TRPV2: variants seen among roughly 807,000 people sequenced by gnomAD.
TRPV2 encodes transient receptor potential cation channel subfamily V member 2, also known as OTRPC2.
In TRPV2, 58 loss-of-function variants were observed where a neutral mutation model predicts 91.0. The ratio of observed to expected loss-of-function variants is 0.64; its 90% CI spans 0.52 to 0.79. The LOEUF (loss-of-function observed/expected upper bound fraction) is 0.79, where lower values mean the gene tolerates loss of function less well. Among genes scored for constraint, TRPV2 ranks in the 30% least tolerant of loss-of-function variants. The pLI is 0.00. For missense variants in TRPV2, 807 were observed against 969.6 expected, an observed-to-expected ratio of 0.83 and a Z score of 2.23; for synonymous variants, 417 against 414.8, an observed-to-expected ratio of 1.01 and a Z score of -0.06.
Position 16,431,291 on chromosome 17 carries a change from ATTTTTTTTTT to A in TRPV2, c.1588-482_1588-473del, listed in dbSNP as rs1167449708. Among the ~76,000 whole-genome samples, 67 of 67,364 alleles carry A rather than the reference ATTTTTTTTTT, an allele frequency of 9.9e-4. 2 individuals are homozygous for A. Among genetic ancestry groups the A allele is most frequent in the African/African-American group, 2.2e-3 (35 of 15,642 alleles). 44.2% of individuals were successfully genotyped at this position (67,364 alleles called of 152,430 possible). A position where few individuals can be genotyped will look rare whatever the true frequency, so the allele number is the denominator to read the frequency against. On this transcript the variant is annotated intron_variant, in intron 10 of 14. Coordinates refer to ENST00000338560, the MANE Select transcript of TRPV2 (RefSeq NM_016113.5). ...TATATATATATATATATATATACAT[ATTTTTTTTTT>A]TTTTTTTTTTGAGACGAAGTCTCAC...
chr17:16,432,779 C>G (rs956303162), intron 12 of TRPV2, among the ~76,000 whole-genome samples: 7 of 151,132 alleles, frequency 4.6e-5, no homozygotes, highest in African/African-American at 1.7e-4. Flanking sequence ...ACCAGCTACT[C>G]TTATCATCAT....
chr17:16,416,943 C>A (rs530378193), intron 1 of TRPV2, among the ~76,000 whole-genome samples: 1 of 152,172 alleles, frequency 6.6e-6, no homozygotes, highest in African/African-American at 2.4e-5. Flanking sequence ...CCAGGCAAGA[C>A]GTTGTGTAAA....
chr17:16,420,485 C>T (rs2093351777), intron 3 of TRPV2, among the ~76,000 whole-genome samples: 1 of 152,208 alleles, frequency 6.6e-6, no homozygotes, highest in South Asian at 2.1e-4. Flanking sequence ...CTCTGTCACC[C>T]CTAGCCCATT....
At chr17:16,429,795 C>T (rs966943979) in intron 10 of TRPV2, among the ~76,000 whole-genome samples, 16 of 137,440 alleles carry the variant, frequency 1.2e-4, no homozygotes, top group African/African-American at 3.5e-4. Flanking sequence ...GCCCCTTCCA[C>T]GGGGAGGGAT....
chr17:16,425,595 C>T (rs544357957), intron 5 of TRPV2, among the ~76,000 whole-genome samples: 9 of 152,310 alleles, frequency 5.9e-5, no homozygotes, highest in African/African-American at 2.2e-4. Context: ...GTGTGAACCT[C>T]ACTTTCTTGT....
Position 16,422,781 on chromosome 17 carries a change from A to G in TRPV2, c.517A>G (p.Lys173Glu), listed in dbSNP as rs1356372266. 1 of 1,574,356 alleles carries G rather than the reference A, an allele frequency of 6.4e-7. No homozygotes were observed. Among genetic ancestry groups the G allele is most frequent in the Admixed American group, 1.8e-5 (1 of 54,490 alleles). The change falls in exon 4 of 15, where the codon AAG becomes GAG. Residue 173 changes from lysine to glutamate, a missense_variant. Physicochemically the swap from Lys to Glu is moderately conservative, Grantham distance 56 (BLOSUM62 1). Coordinates refer to ENST00000338560, the MANE Select transcript of TRPV2 (RefSeq NM_016113.5). ...CAGCGCTCTGCACATCGCCATTGAG[A>G]AGAGGAGTCTGCAGTGTGTGAAGCT... Reference protein sequence around the residue: ...GHSALHIAIEKRSLQCVKLLV... With the variant: ...GHSALHIAIEERSLQCVKLLV...
intron 5 of TRPV2, among the ~76,000 whole-genome samples, chr17:16,425,303 C>T (rs2093378082): frequency 6.6e-6 from 1 of 152,190 alleles, no homozygotes. Flanking sequence ...AGATTACAGG[C>T]ATGAGCCGAA....
intron 4 of TRPV2, among the ~76,000 whole-genome samples, chr17:16,423,168 C>T (rs967061185): frequency 6.6e-6 from 1 of 152,248 alleles, no homozygotes; most frequent in Non-Finnish European, 1.5e-5. Context: ...AGAGATGTTT[C>T]ATCCTCGTCT....
intron 7 of TRPV2, among the ~76,000 whole-genome samples, 182 bp downstream of exon 7, chr17:16,427,059 A>G (rs763858705): frequency 4.6e-5 from 7 of 152,338 alleles, no homozygotes; most frequent in Admixed American, 6.5e-5. Context: ...TGCTCACTGT[A>G]TGTGAAAAAG....
intron 10 of TRPV2, among the ~76,000 whole-genome samples, chr17:16,431,576 G>A (rs1351310701): frequency 6.6e-6 from 1 of 152,024 alleles, no homozygotes; most frequent in African/African-American, 2.4e-5. Context: ...TAGGATTATA[G>A]GCATGAGCCA....
At chr17:16,423,285 T>C (rs1316822241) in intron 4 of TRPV2, among the ~76,000 whole-genome samples, 184 bp from the exon 5 acceptor site, 1 of 152,264 alleles carries the variant, frequency 6.6e-6, no homozygotes, top group Non-Finnish European at 1.5e-5. Context: ...AGAGGCAGCA[T>C]GCCTGGGCTC....
At chr17:16,421,875 C>T (rs768359004) in intron 3 of TRPV2, among the ~76,000 whole-genome samples, 25 of 151,864 alleles carry the variant, frequency 1.6e-4, no homozygotes, top group Admixed American at 6.6e-4. Flanking sequence ...TTTACAGTAA[C>T]GAAAACTGAG....
At chr17:16,433,884 A>C (rs1010348036) in intron 13 of TRPV2, among the ~76,000 whole-genome samples, 186 bp downstream of exon 13, 8 of 152,208 alleles carry the variant, frequency 5.3e-5, no homozygotes, top group Non-Finnish European at 1.0e-4. Flanking sequence ...TGGCTGCCAC[A>C]TGACTGGCCA....
intron 1 of TRPV2, among the ~76,000 whole-genome samples, chr17:16,417,316 G>A (rs2093335638): frequency 6.7e-6 from 1 of 149,106 alleles, no homozygotes; most frequent in Non-Finnish European, 1.5e-5. Flanking sequence ...GGAGTGCAGT[G>A]GTGCCATCTT....
rs576012726 is a variant in TRPV2, at chr17:16,427,332, G to A, written c.1252-117G>A. The A allele has an allele frequency of 4.5e-5, 42 of 933,706 alleles. 1 individual carries two copies. In the South Asian group the frequency reaches 5.3e-4, roughly 12 times the overall value. 57.8% of individuals were successfully genotyped at this position (933,706 alleles called of 1,614,324 possible). A position where few individuals can be genotyped will look rare whatever the true frequency, so the allele number is the denominator to read the frequency against. On this transcript the variant is annotated intron_variant, in intron 7 of 14. Coordinates refer to ENST00000338560, the MANE Select transcript of TRPV2 (RefSeq NM_016113.5). ...TCCCTGGAGCCCATGTTCCCATGCC[G>A]TTCTGAGGAGCCTCTCCACAGCTCA...
At chr17:16,434,797 T>C in intron 13 of TRPV2, 93 bp from the exon 14 acceptor site, 1 of 1,221,798 alleles carries the variant, frequency 8.2e-7, no homozygotes, top group Non-Finnish European at 1.2e-6. Context: ...CATCTCTGCA[T>C]AGTCTCCCAA....
rs1363049077 is a variant in TRPV2 at position 16,422,829 on chromosome 17, G to A, written c.565G>A (p.Val189Met). Reference sequence around the variant, plus strand: ...GCTCCTGGTGGAGAATGGGGCCAATGTGCATGCCCGGGCCTGCGGCCGCTT... The same window carrying A: ...GCTCCTGGTGGAGAATGGGGCCAATATGCATGCCCGGGCCTGCGGCCGCTT... The part of the protein sequence containing the change: ...VKLLVENGAN[V>M]HARACGRFFQ... The change falls in exon 4 of 15, where the codon GTG becomes ATG. Residue 189 changes from valine to methionine, a missense_variant. Coordinates refer to ENST00000338560, the MANE Select transcript of TRPV2 (RefSeq NM_016113.5). 3 of 1,574,452 alleles carry A rather than the reference G, an allele frequency of 1.9e-6. No individual in the cohort carries two copies. The highest frequency in any genetic ancestry group is 2.6e-6 in the Non-Finnish European group (3 of 1,157,992).
Position 16,428,993 on chromosome 17 carries a change from G to C in TRPV2, c.1587+11G>C. On this transcript the variant is annotated intron_variant, in intron 10 of 14. Coordinates refer to ENST00000338560, the MANE Select transcript of TRPV2 (RefSeq NM_016113.5). The stretch of plus-strand genomic sequence containing the variant: ...GTCATGATCCAGAAGGTGAGAGAAG[G>C]GGGTGGCCCACCGGGACTCTTTTGG... 3 of 1,613,802 alleles carry C rather than the reference G, an allele frequency of 1.9e-6. No homozygotes were observed. Among genetic ancestry groups the C allele is most frequent in the Non-Finnish European group, 1.7e-6 (2 of 1,179,902 alleles).
intron 13 of TRPV2, among the ~76,000 whole-genome samples, chr17:16,434,049 C>T (rs370254019): frequency 6.6e-6 from 1 of 152,184 alleles, no homozygotes; most frequent in Admixed American, 6.5e-5. Flanking sequence ...TCTGTGTCCC[C>T]CCACCCCCAA....
Sources: allele counts gnomAD v4.1 joint callset (sites outside exome capture counted in the v4.1 genomes callset), GRCh38; gene constraint gnomAD v4.1.1; transcripts MANE v1.5; gene names NCBI Gene and HGNC (gene_info 2026-07-23, HGNC 2026-07-21).